The following SLC8B1 variants were observed in gnomAD, a reference collection of about 807,000 sequenced individuals.
The protein encoded by SLC8B1 is mitochondrial sodium/calcium exchanger protein.
SLC8B1 carries 52 observed loss-of-function variants against 63.4 expected under a neutral mutation model. The observed-to-expected ratio is 0.82, with a 90% CI of 0.66 to 1.03. SLC8B1 has a LOEUF of 1.03. SLC8B1 is among the 50% of genes least tolerant of loss of function. The pLI is 0.00. For missense variants in SLC8B1, 657 were observed against 741.7 expected, an observed-to-expected ratio of 0.89 and a Z score of 1.33; for synonymous variants, 336 against 323.9, an observed-to-expected ratio of 1.04 and a Z score of -0.40.
intron 12 of SLC8B1, 40 bp downstream of exon 12, chr12:113,310,194 C>T: frequency 6.2e-7 from 1 of 1,601,880 alleles, no homozygotes; most frequent in Middle Eastern, 1.8e-4. Context: ...GAGACATCAG[C>T]ATCCCTCCCC....
chr12:113,321,587 A>C (rs1006735697), intron 2 of SLC8B1, among the ~76,000 whole-genome samples: 4 of 152,028 alleles, frequency 2.6e-5, no homozygotes, highest in African/African-American at 7.2e-5. Flanking sequence ...AAGATTTCTA[A>C]ATTCCGCTTT....
intron 1 of SLC8B1, among the ~76,000 whole-genome samples, chr12:113,333,690 G>C (rs1342700346): frequency 4.0e-5 from 6 of 151,874 alleles, no homozygotes; most frequent in Non-Finnish European, 7.4e-5. Flanking sequence ...AGGGAGAGGG[G>C]CTCAGAGGAG....
chr12:113,312,527 G>T (rs549949345), intron 11 of SLC8B1, among the ~76,000 whole-genome samples: 2 of 152,202 alleles, frequency 1.3e-5, no homozygotes, highest in African/African-American at 4.8e-5. Flanking sequence ...CCTAGAGATG[G>T]GGGAGGCTGG....
intron 1 of SLC8B1, among the ~76,000 whole-genome samples, chr12:113,334,150 C>A (rs1210385930): frequency 6.6e-6 from 1 of 152,166 alleles, no homozygotes; most frequent in African/African-American, 2.4e-5. Flanking sequence ...CTGGTCACCA[C>A]CATGTGCCTC....
chr12:113,319,789 A>T (rs1956894740), intron 7 of SLC8B1, among the ~76,000 whole-genome samples: 1 of 152,106 alleles, frequency 6.6e-6, no homozygotes, highest in South Asian at 2.1e-4. Flanking sequence ...ATTGGAAATT[A>T]TGAAACTTTC....
At chr12:113,300,808 T>C (rs911776855) in intron 15 of SLC8B1, among the ~76,000 whole-genome samples, 3 of 152,228 alleles carry the variant, frequency 2.0e-5, no homozygotes, top group Non-Finnish European at 2.9e-5. Context: ...AAGCGGATGT[T>C]CACCACTTAC....
chr12:113,329,192 G>A (rs575017785), intron 2 of SLC8B1, among the ~76,000 whole-genome samples: 2 of 152,216 alleles, frequency 1.3e-5, no homozygotes, highest in Non-Finnish European at 2.9e-5. Context: ...GACCCAGGAG[G>A]TTGGCACAAT....
At chr12:113,327,936 C>A (rs1043865265) in intron 2 of SLC8B1, among the ~76,000 whole-genome samples, 2 of 145,972 alleles carry the variant, frequency 1.4e-5, no homozygotes, top group Non-Finnish European at 3.0e-5. Context: ...TGAGATTGCA[C>A]CATTGCACTC....
chr12:113,302,310 C>T (rs748565750), intron 15 of SLC8B1: 19 of 206,726 alleles, frequency 9.2e-5, no homozygotes, highest in Non-Finnish European at 1.6e-4. Context: ...GGGCAAGGAA[C>T]GTCAGGAGCC....
At chr12:113,332,376 A>G (rs1295647745) in intron 2 of SLC8B1, among the ~76,000 whole-genome samples, 2 of 152,112 alleles carry the variant, frequency 1.3e-5, no homozygotes, top group Non-Finnish European at 2.9e-5. Context: ...GTTTCAAGCA[A>G]TTCTCCTGCC....
At chr12:113,318,075 ATT>A (rs1445204340) in intron 8 of SLC8B1, among the ~76,000 whole-genome samples, 2 of 151,120 alleles carry the variant, frequency 1.3e-5, no homozygotes, top group Non-Finnish European at 2.9e-5. Context: ...GTGTGCATAT[ATT>A]TGTGTCTGTT....
rs551911818 is a variant in SLC8B1, at chr12:113,328,281, G to A, written c.156+4442C>T. Among the ~76,000 whole-genome samples, 8 of 152,174 alleles carry A rather than the reference G, an allele frequency of 5.3e-5. No individual in the cohort carries two copies. The South Asian group carries it at 1.7e-3, about 32-fold the overall frequency. On this transcript the variant is annotated intron_variant, in intron 2 of 15. Coordinates refer to ENST00000680972, the MANE Select transcript of SLC8B1 (RefSeq NM_001358345.2). ...TGGGCTCAAGTGATCCTCCCGCCTC[G>A]GCCTTCCAACGTGCTGGGATTACAC...
chr12:113,326,870 G>C (rs940278546), intron 2 of SLC8B1, among the ~76,000 whole-genome samples: 3 of 152,078 alleles, frequency 2.0e-5, no homozygotes, highest in African/African-American at 7.2e-5. Context: ...CAGAAAGTCT[G>C]TGCCCCAGGC....
intron 11 of SLC8B1, among the ~76,000 whole-genome samples, chr12:113,314,530 A>C (rs145667820): frequency 2.6e-5 from 4 of 152,360 alleles, no homozygotes; most frequent in African/African-American, 9.6e-5. Flanking sequence ...CAGCCAGAGC[A>C]GGACAAGAAA....
At chr12:113,313,008 T>G (rs1566231157) in intron 11 of SLC8B1, among the ~76,000 whole-genome samples, 1 of 151,944 alleles carries the variant, frequency 6.6e-6, no homozygotes, top group East Asian at 1.9e-4. Context: ...TGGGTTCAAG[T>G]GATTCTCCTG....
chr12:113,310,342 CTCATAGACA>C lies in SLC8B1; in HGVS notation c.1140_1148del (p.Val381_Glu383del). 1.2e-6 allele frequency: 2 copies of C among 1,613,420 alleles called. No individual in the cohort carries two copies. Among genetic ancestry groups the C allele is most frequent in the South Asian group, 2.2e-5 (2 of 90,966 alleles). On this transcript the variant is annotated inframe_deletion, in exon 12 of 16. Transcript: ENST00000680972. ...CCCAGACGGGAACGAGGCCGCCTAT[CTCATAGACA>C]CCATCTGCAAAGGGAGAGAAAGGGA...
Position 113,321,311 on chromosome 12 carries a change from C to G in SLC8B1, c.194G>C (p.Cys65Ser). ...GTCAGGGTTGGTCCGGATGAAGTCACAGCGGTCAGAGACATTCAGGCCACA... is the reference window on the plus strand; with the variant it reads ...GTCAGGGTTGGTCCGGATGAAGTCAGAGCGGTCAGAGACATTCAGGCCACA... ...KVCGLNVSDR[C>S]DFIRTNPDCH... Residue 65 changes from cysteine (C) to serine (S), a missense_variant, in exon 3 of 16, where the codon TGT (cysteine) becomes TCT (serine). Cys to Ser is a moderately radical substitution (Grantham distance 112). Transcript: ENST00000680972. 6.2e-7 allele frequency: 1 copy of G among 1,614,116 alleles called. No homozygotes were observed. Among genetic ancestry groups the G allele is most frequent in the African/African-American group, 1.3e-5 (1 of 75,008 alleles).
chr12:113,305,699 G>A lies in SLC8B1; in HGVS notation c.1492+796C>T, dbSNP rs1956661670. ...ATTCACTTATGCACTGTCTGTGCCT[G>A]TTTCTGCACTATAGCAGCAGAGTTG... is the stretch of plus-strand genomic sequence containing the variant. On this transcript the variant is annotated intron_variant, in intron 14 of 15. Coordinates refer to ENST00000680972, the MANE Select transcript of SLC8B1 (RefSeq NM_001358345.2). The surrounding 1 kb of genome is among the most constrained non-coding windows in gnomAD (Gnocchi z 4.3). Among the ~76,000 whole-genome samples, 1 of 152,208 alleles carries A rather than the reference G, an allele frequency of 6.6e-6. No individual in the cohort carries two copies. The highest frequency in any genetic ancestry group is 1.5e-5 in the Non-Finnish European group (1 of 68,036).
At chr12:113,331,498 G>A (rs539968405) in intron 2 of SLC8B1, among the ~76,000 whole-genome samples, 12 of 152,152 alleles carry the variant, frequency 7.9e-5, no homozygotes, top group African/African-American at 2.4e-4. Flanking sequence ...ATAAAAGCAG[G>A]CAGAAGAATG....
Sources: gnomAD v4.1 joint callset for allele counts (sites outside exome capture counted in the v4.1 genomes callset) on GRCh38, gnomAD v4.1.1 for gene constraint, Gnocchi (gnomAD v3.1) non-coding constraint, MANE v1.5 for transcripts, NCBI Gene and HGNC (gene_info 2026-07-23, HGNC 2026-07-21) for gene names.